The following REXO5 variants were observed in gnomAD, a reference collection of about 807,000 sequenced individuals.
REXO5 encodes RNA exonuclease 5.
REXO5 carries 48 observed loss-of-function variants against 88.5 expected under a neutral mutation model. The ratio of observed to expected loss-of-function variants is 0.54; its 90% confidence interval spans 0.43 to 0.69. REXO5 has a LOEUF of 0.69. REXO5 is among the 30% of genes least tolerant of loss of function. The pLI, the probability that REXO5 is intolerant of heterozygous loss-of-function variation, is 0.00. For missense variants in REXO5, 749 were observed against 912.2 expected, an observed-to-expected ratio of 0.82 and a Z score of 2.30; for synonymous variants, 311 against 336.5, an observed-to-expected ratio of 0.92 and a Z score of 0.83.
At chr16:20,828,620 A>T in intron 11 of REXO5, 83 bp downstream of exon 11, 1 of 963,938 alleles carries the variant, frequency 1.0e-6, no homozygotes, top group Non-Finnish European at 1.7e-6. Context: ...AACTCCTATT[A>T]TCTATTTTTA....
intron 13 of REXO5, among the ~76,000 whole-genome samples, chr16:20,836,808 T>C (rs1394386002): frequency 1.3e-5 from 2 of 152,240 alleles, no homozygotes; most frequent in African/African-American, 4.8e-5. Context: ...TTTTGTTGGA[T>C]TTTGGCTATT....
At chr16:20,828,184 A>G (rs2081286253) in intron 10 of REXO5, among the ~76,000 whole-genome samples, 1 of 152,116 alleles carries the variant, frequency 6.6e-6, no homozygotes, top group Non-Finnish European at 1.5e-5. Flanking sequence ...TCAGCCAGAA[A>G]CTTTTTGTTG....
At position 20,813,196 on chromosome 16, in the gene REXO5, C is replaced by T. The variant is rs773239058; in HGVS notation, c.145C>T (p.Arg49Cys). 9 of 1,611,110 alleles carry T rather than the reference C, an allele frequency of 5.6e-6. No homozygotes were observed. The highest frequency in any genetic ancestry group is 2.2e-5 in the East Asian group (1 of 44,862). ...CCCTGATTAATCTTTGCAGAAAGCC[C>T]GCTTATCTACCATTTTATTTACTGA... Reference protein sequence around the residue: ...EESQPEAKKARLSTILFTDNC... With the variant: ...EESQPEAKKACLSTILFTDNC... The change falls in exon 3 of 20, where the codon CGC becomes TGC. Residue 49 changes from arginine to cysteine, a missense_variant. Transcript: ENST00000261377.
At chr16:20,806,526 T>C, upstream of REXO5, 1 of 1,534,340 alleles carries the variant, frequency 6.5e-7, no homozygotes, top group East Asian at 2.5e-5. Context: ...GAGGGGCGGT[T>C]GTTGTTGGCA....
In REXO5 at chr16:20,821,788, G is replaced by T. The variant is rs777551684; in HGVS notation, c.502G>T (p.Ala168Ser). The T allele has an allele frequency of 3.8e-6, 6 of 1,591,568 alleles. No individual in the cohort carries two copies. Among genetic ancestry groups the T allele is most frequent in the Non-Finnish European group, 4.3e-6 (5 of 1,173,152 alleles). The change falls in exon 6 of 20, where the codon GCC becomes TCC. Residue 168 changes from alanine to serine, a missense_variant. Coordinates refer to ENST00000261377, the MANE Select transcript of REXO5 (RefSeq NM_030941.3). ...EGPLPSNAKAAINLQDDPIIQ... is the reference protein window; with the variant it reads ...EGPLPSNAKASINLQDDPIIQ... ...GCCTTTACCTTCTAATGCAAAAGCC[G>T]CCATCAACCTTCAGGATGATCCCAT...
chr16:20,811,364 C>T (rs1354793506), intron 2 of REXO5, among the ~76,000 whole-genome samples: 1 of 152,148 alleles, frequency 6.6e-6, no homozygotes, highest in Non-Finnish European at 1.5e-5. Flanking sequence ...ACAAAGGTGT[C>T]TGTACAAGGA....
chr16:20,848,684 C>T (rs998117976), intron 19 of REXO5, among the ~76,000 whole-genome samples: 38 of 152,226 alleles, frequency 2.5e-4, no homozygotes, highest in African/African-American at 8.2e-4. Flanking sequence ...AACGCTGACC[C>T]AGTTCCATGA....
intron 5 of REXO5, among the ~76,000 whole-genome samples, chr16:20,820,473 G>A (rs771582687): frequency 2.1e-4 from 25 of 117,586 alleles, no homozygotes; most frequent in Non-Finnish European, 3.9e-4. Flanking sequence ...ACTTATCTGT[G>A]TATTTTCTTT....
At chr16:20,807,857 T>C (rs1190221847) in intron 2 of REXO5, among the ~76,000 whole-genome samples, 7 of 151,988 alleles carry the variant, frequency 4.6e-5, no homozygotes, top group Non-Finnish European at 1.0e-4. Flanking sequence ...TACATTCCAG[T>C]AGGGCGGGGG....
chr16:20,834,591 T>C (rs2081396364), intron 13 of REXO5, among the ~76,000 whole-genome samples: 1 of 152,216 alleles, frequency 6.6e-6, no homozygotes, highest in South Asian at 2.1e-4. Flanking sequence ...CCATTGCATA[T>C]GTATTAGGCC....
At position 20,849,652 on chromosome 16, in the gene REXO5, A is replaced by G. The variant is rs1009290030; in HGVS notation, c.*172A>G. 5 of 610,932 alleles carry G rather than the reference A, an allele frequency of 8.2e-6. No homozygotes were observed. Among genetic ancestry groups the G allele is most frequent in the East Asian group, 5.5e-5 (2 of 36,120 alleles). The allele number at this position is 610,932 out of a possible 1,614,324, so 37.8% of individuals were successfully genotyped here. ...ATGTATAAGTTTTCAATAAATGCCT[A>G]AAGTTCAAGCATAGTATGGGGATGT... On this transcript the variant is annotated 3_prime_UTR_variant, in exon 20 of 20. Coordinates refer to ENST00000261377, the MANE Select transcript of REXO5 (RefSeq NM_030941.3).
intron 19 of REXO5, among the ~76,000 whole-genome samples, chr16:20,847,114 A>C (rs2081618671): frequency 6.6e-6 from 1 of 152,082 alleles, no homozygotes; most frequent in Non-Finnish European, 1.5e-5. Flanking sequence ...AAGTCCCTTG[A>C]GATTCTGACA....
chr16:20,808,123 T>C (rs1055349636), intron 2 of REXO5, among the ~76,000 whole-genome samples: 2 of 152,188 alleles, frequency 1.3e-5, no homozygotes, highest in Non-Finnish European at 2.9e-5. Context: ...ATGATAAATG[T>C]AATGCACTTG....
intron 2 of REXO5, among the ~76,000 whole-genome samples, chr16:20,807,585 G>GAA (rs1013842567): frequency 4.4e-4 from 22 of 50,466 alleles, no homozygotes; most frequent in Non-Finnish European, 5.4e-4. Context: ...TCACGTCTCA[G>GAA]AAAAAAAAAA....
chr16:20,827,336 T>A lies in REXO5; in HGVS notation c.961-17T>A. The A allele has an allele frequency of 6.2e-7, 1 of 1,608,402 alleles. No homozygotes were observed. The highest frequency in any genetic ancestry group is 8.5e-7 in the Non-Finnish European group (1 of 1,175,568). ...TTAGCATAAGACACTACTCATTTTA[T>A]TCTCTTTCTTCCTCAGATGATACAT... On this transcript the variant is annotated splice_polypyrimidine_tract_variant and intron_variant, in intron 9 of 19. Transcript: ENST00000261377.
At chr16:20,826,492 C>T (rs979877791) in intron 8 of REXO5, among the ~76,000 whole-genome samples, 8 of 152,170 alleles carry the variant, frequency 5.3e-5, no homozygotes, top group African/African-American at 1.9e-4. Context: ...CCAGTAGATT[C>T]GTGATGACTT....
chr16:20,845,825 C>T (rs959501909), intron 18 of REXO5, among the ~76,000 whole-genome samples: 3 of 152,020 alleles, frequency 2.0e-5, no homozygotes, highest in Non-Finnish European at 2.9e-5. Flanking sequence ...GCTTGGGAAA[C>T]CCTGTCTTAG....
At chr16:20,826,833 C>A (rs2081266751) in intron 8 of REXO5, among the ~76,000 whole-genome samples, 1 of 151,958 alleles carries the variant, frequency 6.6e-6, no homozygotes, top group Non-Finnish European at 1.5e-5. Context: ...AAATATATAC[C>A]TGAATCTATA....
In REXO5 at chr16:20,813,320, A is replaced by G. The variant is rs2152500295; in HGVS notation, c.251+18A>G. 2 of 1,396,694 alleles carry G rather than the reference A, an allele frequency of 1.4e-6. No individual in the cohort carries two copies. Among genetic ancestry groups the G allele is most frequent in the Non-Finnish European group, 2.0e-6 (2 of 985,434 alleles). 86.5% of individuals were successfully genotyped at this position (1,396,694 alleles called of 1,614,324 possible). Reference sequence around the variant, plus strand: ...AAACCCAGGTATGAGATGAATTTAAATGGTGGGTATTGACCAGCGGTTTCT... The same window carrying G: ...AAACCCAGGTATGAGATGAATTTAAGTGGTGGGTATTGACCAGCGGTTTCT... On this transcript the variant is annotated intron_variant, in intron 3 of 19. Transcript: ENST00000261377.
Sources: gnomAD v4.1 joint callset for allele counts (sites outside exome capture counted in the v4.1 genomes callset) on GRCh38, gnomAD v4.1.1 for gene constraint, MANE v1.5 for transcripts, NCBI Gene and HGNC (gene_info 2026-07-23, HGNC 2026-07-21) for gene names.